The following LMX1B variants were observed in gnomAD, a reference collection of about 807,000 sequenced individuals.
LMX1B encodes LIM homeobox transcription factor 1-beta.
LMX1B carries 12 observed loss-of-function variants against 51.4 expected under a neutral mutation model. That is an observed-to-expected ratio of 0.23 (90% CI 0.15 to 0.38). The LOEUF is 0.38. Ranked by LOEUF, LMX1B falls within the 10% of genes least tolerant of loss-of-function variation. LMX1B has a pLI of 1.00. For synonymous variants in LMX1B, 237 were observed against 235.4 expected, an observed-to-expected ratio of 1.01 and a Z score of -0.06; for missense variants, 445 against 571.1, an observed-to-expected ratio of 0.78 and a Z score of 2.25.
intron 2 of LMX1B, among the ~76,000 whole-genome samples, chr9:126,683,396 A>G (rs1439205815): frequency 1.3e-5 from 2 of 152,194 alleles, no homozygotes; most frequent in Non-Finnish European, 2.9e-5. Context: ...CTCAAAATAA[A>G]AAACAGCTAC....
rs1488944847 is a variant in LMX1B, at chr9:126,677,263, C to T, written c.327-13573C>T. ...GAGTGGCACCCACACTTTCATATACCTCCTTTTAATTCCTGCTCCTGCCCC... is the reference window on the plus strand; with the variant it reads ...GAGTGGCACCCACACTTTCATATACTTCCTTTTAATTCCTGCTCCTGCCCC... On this transcript the variant is annotated intron_variant, in intron 2 of 7. Coordinates refer to ENST00000373474, the MANE Select transcript of LMX1B (RefSeq NM_001174147.2). The surrounding 1 kb of genome is among the most constrained non-coding windows in gnomAD (Gnocchi z 5.0). Among the ~76,000 whole-genome samples, 1 of 152,208 alleles carries T rather than the reference C, an allele frequency of 6.6e-6. No homozygotes were observed. Among genetic ancestry groups the T allele is most frequent in the Non-Finnish European group, 1.5e-5 (1 of 68,040 alleles).
rs745711468 is a variant in LMX1B at position 126,615,478 on chromosome 9, G to A, written c.235G>A (p.Glu79Lys). Reference protein sequence around the residue: ...MRVNESSWHEECLQCAACQQA... With the variant: ...MRVNESSWHEKCLQCAACQQA... Reference sequence around the variant, plus strand: ...AGTCAACGAGTCGTCCTGGCACGAGGAGTGTTTGCAGTGCGCGGCGTGTCA... The same window carrying A: ...AGTCAACGAGTCGTCCTGGCACGAGAAGTGTTTGCAGTGCGCGGCGTGTCA... The change falls in exon 2 of 8, where the codon GAG becomes AAG. Residue 79 changes from glutamate to lysine, a missense_variant. Glu to Lys is a moderately conservative substitution (Grantham distance 56). Around this residue, in one of 3 missense-constraint regions of LMX1B, gnomAD observed 273 missense variants for 343.3 expected, o/e 0.80. Transcript: ENST00000373474. The surrounding 1 kb of genome is among the most constrained non-coding windows in gnomAD (Gnocchi z 6.0). The A allele has an allele frequency of 7.4e-6, 12 of 1,611,330 alleles. No individual in the cohort carries two copies. Among genetic ancestry groups the A allele is most frequent in the South Asian group, 3.3e-5 (3 of 90,716 alleles).
intron 2 of LMX1B, among the ~76,000 whole-genome samples, chr9:126,619,922 GT>G: frequency 6.6e-6 from 1 of 152,144 alleles, no homozygotes; most frequent in East Asian, 1.9e-4. Context: ...ACCCACGGCC[GT>G]GGCACCTACC....
intron 2 of LMX1B, among the ~76,000 whole-genome samples, chr9:126,667,504 G>A (rs1836365091): frequency 6.6e-6 from 1 of 152,238 alleles, no homozygotes; most frequent in African/African-American, 2.4e-5. Context: ...ACACTGGGCG[G>A]TGCTGCCTTG....
At chr9:126,636,969 G>A (rs1392439059) in intron 2 of LMX1B, among the ~76,000 whole-genome samples, 2 of 152,230 alleles carry the variant, frequency 1.3e-5, no homozygotes, top group Non-Finnish European at 2.9e-5. Context: ...TGGGACCCAG[G>A]AAGCCTTGGG....
chr9:126,667,335 A>G lies in LMX1B; in HGVS notation c.327-23501A>G, dbSNP rs1836360413. On this transcript the variant is annotated intron_variant, in intron 2 of 7. Transcript: ENST00000373474. ...TCTTGCAGCCACGACGTAACAGTCC[A>G]GGGAATGGGTGAACTTTGATTTATG... Among the ~76,000 whole-genome samples, 3 of 152,374 alleles carry G rather than the reference A, an allele frequency of 2.0e-5. No individual in the cohort carries two copies. The South Asian group carries it at 6.2e-4, about 32-fold the overall frequency.
intron 2 of LMX1B, among the ~76,000 whole-genome samples, chr9:126,632,721 C>T (rs553456114): frequency 5.8e-4 from 88 of 152,242 alleles, no homozygotes; most frequent in African/African-American, 1.9e-3. Flanking sequence ...GTGGCTGGAA[C>T]CCCAGGTACT....
rs2119000968 is a variant in LMX1B at position 126,697,299 on chromosome 9, G to A, written c.*848G>A. The A allele has an allele frequency of 6.6e-6, 1 of 152,566 alleles. No homozygotes were observed. The highest frequency in any genetic ancestry group is 2.4e-5 in the African/African-American group (1 of 41,522). The allele number at this position is 152,566 out of a possible 1,614,324, so 9.5% of individuals were successfully genotyped here. On this transcript the variant is annotated 3_prime_UTR_variant, in exon 8 of 8. Transcript: ENST00000373474. ...CAAATGGGGGCAGCCTGGGCAGGGAGGGCAGCCCCAGGCCCCACCAACTCT... is the reference window on the plus strand; with the variant it reads ...CAAATGGGGGCAGCCTGGGCAGGGAAGGCAGCCCCAGGCCCCACCAACTCT...
At position 126,615,648 on chromosome 9, in the gene LMX1B, C is replaced by G. The variant is rs1182180221; in HGVS notation, c.326+79C>G. 4 of 1,351,488 alleles carry G rather than the reference C, an allele frequency of 3.0e-6. No individual in the cohort carries two copies. In the Admixed American group the frequency reaches 6.4e-5, roughly 21 times the overall value. 83.7% of individuals were successfully genotyped at this position (1,351,488 alleles called of 1,614,324 possible). A position where few individuals can be genotyped will look rare whatever the true frequency, so the allele number is the denominator to read the frequency against. ...AGCCCCCTGCCGGGCCCGGCCCGCGCCCGCTCTGCCGCCGGCTCTGTGCGC... is the reference window on the plus strand; with the variant it reads ...AGCCCCCTGCCGGGCCCGGCCCGCGGCCGCTCTGCCGCCGGCTCTGTGCGC... On this transcript the variant is annotated intron_variant, in intron 2 of 7. Coordinates refer to ENST00000373474, the MANE Select transcript of LMX1B (RefSeq NM_001174147.2). The surrounding 1 kb of genome is among the most constrained non-coding windows in gnomAD (Gnocchi z 6.0).
intron 2 of LMX1B, among the ~76,000 whole-genome samples, chr9:126,669,478 G>A (rs1836410514): frequency 6.6e-6 from 1 of 152,168 alleles, no homozygotes; most frequent in African/African-American, 2.4e-5. Context: ...GTGTTCACGT[G>A]TGTCTGGGTG....
intron 2 of LMX1B, among the ~76,000 whole-genome samples, chr9:126,628,098 CA>C (rs1471565122): frequency 1.3e-5 from 2 of 152,180 alleles, no homozygotes; most frequent in Non-Finnish European, 1.5e-5. Context: ...CCTTGGGGGA[CA>C]AAAGCCAGGT....
intron 2 of LMX1B, among the ~76,000 whole-genome samples, chr9:126,631,891 C>T (rs534691146): frequency 1.3e-5 from 2 of 152,112 alleles, no homozygotes; most frequent in East Asian, 1.9e-4. Flanking sequence ...TGGTTCCTGC[C>T]GATTTTGTTA....
At position 126,693,106 on chromosome 9, in the gene LMX1B, G is replaced by A. The variant is rs186300467; in HGVS notation, c.560-36G>A. ...CAAGGCTGAGGCCTGGGCTGCCCCC[G>A]CCCCTTCATCACAGGCCGGGTTGTG... On this transcript the variant is annotated intron_variant, in intron 3 of 7. Transcript: ENST00000373474. 1.5e-4 allele frequency: 233 copies of A among 1,544,690 alleles called. No individual in the cohort carries two copies. In the East Asian group the frequency reaches 3.9e-3, roughly 26 times the overall value.
intron 2 of LMX1B, among the ~76,000 whole-genome samples, chr9:126,654,527 T>A (rs989307637): frequency 6.6e-6 from 1 of 152,196 alleles, no homozygotes; most frequent in Non-Finnish European, 1.5e-5. Context: ...CATGCCCACT[T>A]AGGGTGGAGG....
At chr9:126,683,406 C>T (rs1237919763) in intron 2 of LMX1B, among the ~76,000 whole-genome samples, 1 of 152,164 alleles carries the variant, frequency 6.6e-6, no homozygotes, top group Non-Finnish European at 1.5e-5. Flanking sequence ...AAAACAGCTA[C>T]GCCCGGAATG....
chr9:126,661,205 C>T (rs1365912488), intron 2 of LMX1B, among the ~76,000 whole-genome samples: 1 of 151,502 alleles, frequency 6.6e-6, no homozygotes, highest in African/African-American at 2.4e-5. Context: ...GGACACCCCA[C>T]GCAGGGCGAC....
chr9:126,685,441 G>A (rs968561971), intron 2 of LMX1B, among the ~76,000 whole-genome samples: 15 of 152,198 alleles, frequency 9.9e-5, no homozygotes. Flanking sequence ...TTCATGAGGA[G>A]GCAAGACCAA....
At chr9:126,662,657 G>A (rs1466821317) in intron 2 of LMX1B, among the ~76,000 whole-genome samples, 1 of 152,220 alleles carries the variant, frequency 6.6e-6, no homozygotes, top group Admixed American at 6.5e-5. Flanking sequence ...GGAAGTGTGG[G>A]CTGGGCTGGG....
intron 2 of LMX1B, among the ~76,000 whole-genome samples, chr9:126,632,027 T>C (rs1224403209): frequency 6.6e-6 from 1 of 152,190 alleles, no homozygotes; most frequent in Non-Finnish European, 1.5e-5. Flanking sequence ...TATAAGGGTC[T>C]AGAGCTGGGC....
Sources: gnomAD v4.1 joint callset for allele counts (sites outside exome capture counted in the v4.1 genomes callset) on GRCh38, gnomAD v4.1.1 for gene constraint, gnomAD v4.1.1 regional missense constraint, Gnocchi (gnomAD v3.1) non-coding constraint, MANE v1.5 for transcripts, NCBI Gene and HGNC (gene_info 2026-07-23, HGNC 2026-07-21) for gene names.